Variants in DAPK1 observed in about 807,000 individuals in gnomAD.
DAPK1 encodes death-associated protein kinase 1.
DAPK1 carries 56 observed loss-of-function variants against 144.9 expected under a neutral mutation model. The ratio of observed to expected loss-of-function variants is 0.39; its 90% CI spans 0.31 to 0.48. The LOEUF is 0.48. DAPK1 is among the 20% of genes least tolerant of loss of function. The pLI is 0.95. For synonymous variants in DAPK1, 690 were observed against 749.0 expected (o/e 0.92, Z 1.29); for missense variants, 1,454 against 1,875.4 (o/e 0.78, Z 4.15).
chr9:87,650,724 G>T (rs1397346021), intron 16 of DAPK1, among the ~76,000 whole-genome samples: 1 of 152,122 alleles, frequency 6.6e-6, no homozygotes, highest in Non-Finnish European at 1.5e-5. Flanking sequence ...CTGGGTCGGG[G>T]GCGACTTTGC....
At chr9:87,655,523 C>G (rs1786118461) in intron 17 of DAPK1, among the ~76,000 whole-genome samples, 1 of 152,190 alleles carries the variant, frequency 6.6e-6, no homozygotes, top group Non-Finnish European at 1.5e-5. Context: ...TACAAGGAGG[C>G]TGTTGCTCTT....
At chr9:87,528,773 G>A (rs1262069518) in intron 2 of DAPK1, among the ~76,000 whole-genome samples, 1 of 150,562 alleles carries the variant, frequency 6.6e-6, no homozygotes, top group Non-Finnish European at 1.5e-5. Context: ...TCGGGAGGCT[G>A]AGGCAGGAGA....
At chr9:87,565,567 A>G (rs12378389) in intron 2 of DAPK1, among the ~76,000 whole-genome samples, 102,811 of 151,618 alleles carry the variant, frequency 0.68, 36,419 homozygotes, top group African/African-American at 0.89. Context: ...TACCTTCTGA[A>G]TTTCTGGACC....
chr9:87,588,186 T>A (rs1828001939), intron 2 of DAPK1, among the ~76,000 whole-genome samples: 1 of 152,228 alleles, frequency 6.6e-6, no homozygotes, highest in African/African-American at 2.4e-5. Context: ...ATTTTGTGTG[T>A]CTGGATATTT....
At chr9:87,695,004 G>A (rs1010138334) in intron 21 of DAPK1, among the ~76,000 whole-genome samples, 10 of 152,176 alleles carry the variant, frequency 6.6e-5, no homozygotes, top group African/African-American at 1.4e-4. Flanking sequence ...CAAAAATTGC[G>A]GGAGTTCATG....
intron 16 of DAPK1, among the ~76,000 whole-genome samples, chr9:87,650,967 C>G (rs1043114837): frequency 1.3e-5 from 2 of 152,166 alleles, no homozygotes; most frequent in Non-Finnish European, 2.9e-5. Flanking sequence ...CACCCAGCTC[C>G]TAAAACTCAA....
intron 19 of DAPK1, 126 bp from the exon 20 acceptor site, chr9:87,681,278 C>CAAAAAATA (rs72033969): frequency 3.3e-6 from 2 of 606,282 alleles, no homozygotes; most frequent in East Asian, 5.6e-5. Context: ...AACTCCGTCT[C>CAAAAAATA]AAAAAAGAAA....
intron 3 of DAPK1, among the ~76,000 whole-genome samples, chr9:87,613,784 G>C (rs1829006843): frequency 1.3e-5 from 2 of 152,200 alleles, no homozygotes; most frequent in Admixed American, 1.3e-4. Flanking sequence ...CCCTGTCTCT[G>C]CTTCTCTCTG....
intron 2 of DAPK1, among the ~76,000 whole-genome samples, chr9:87,580,715 C>T (rs36204770): frequency 2.0e-5 from 3 of 152,298 alleles, no homozygotes; most frequent in African/African-American, 7.2e-5. Context: ...TGCTCTAAAG[C>T]TCCCATCGCT....
intron 2 of DAPK1, among the ~76,000 whole-genome samples, chr9:87,557,868 G>A (rs1826775031): frequency 6.6e-6 from 1 of 152,174 alleles, no homozygotes; most frequent in African/African-American, 2.4e-5. Context: ...CTGAACCTGG[G>A]AGGCGGAGGT....
In DAPK1 at chr9:87,643,365, T is replaced by TA. The variant is rs1830161431; in HGVS notation, c.919-11_919-10insA. ...GCCCTCCCTTTTTTTTTTTTTTTTT[T>TA]TAAAAAAAAGCAATCCGTTCGCTTG... On this transcript the variant is annotated splice_polypyrimidine_tract_variant and intron_variant, in intron 10 of 25. Transcript: ENST00000408954. 6.9e-5 allele frequency: 102 copies of TA among 1,479,112 alleles called. No individual in the cohort carries two copies. In the African/African-American group the frequency reaches 1.2e-3, roughly 17 times the overall value. 91.6% of individuals were successfully genotyped at this position (1,479,112 alleles called of 1,614,324 possible).
chr9:87,549,034 A>G (rs1486481652), intron 2 of DAPK1, among the ~76,000 whole-genome samples: 1 of 145,904 alleles, frequency 6.9e-6, no homozygotes, highest in African/African-American at 2.6e-5. Flanking sequence ...TGCACAGATC[A>G]TCCAATCACC....
chr9:87,653,856 G>A (rs182941405), intron 17 of DAPK1, among the ~76,000 whole-genome samples: 195 of 152,038 alleles, frequency 1.3e-3, no homozygotes, highest in African/African-American at 4.2e-3. Context: ...ACCATGCCCT[G>A]CTAATTTTTG....
chr9:87,542,346 C>T (rs574406984), intron 2 of DAPK1, among the ~76,000 whole-genome samples: 17 of 152,266 alleles, frequency 1.1e-4, no homozygotes, highest in African/African-American at 4.1e-4. Context: ...GAGGCTGATG[C>T]CATCATGCCC....
At chr9:87,537,356 G>A (rs1030122185) in intron 2 of DAPK1, among the ~76,000 whole-genome samples, 4 of 152,212 alleles carry the variant, frequency 2.6e-5, no homozygotes, top group South Asian at 2.1e-4. Flanking sequence ...TAGTGTGTAC[G>A]CAGTCAGCCA....
intron 23 of DAPK1, 35 bp from the exon 24 acceptor site, chr9:87,700,082 A>T: frequency 6.3e-7 from 1 of 1,593,038 alleles, no homozygotes; most frequent in Non-Finnish European, 8.6e-7. Context: ...GGGGACATTG[A>T]CTCACTGCTG....
intron 2 of DAPK1, among the ~76,000 whole-genome samples, chr9:87,543,522 A>G (rs1826129573): frequency 3.3e-5 from 5 of 152,258 alleles, no homozygotes; most frequent in Admixed American, 3.3e-4. Context: ...CAATCAGCCA[A>G]AATGACTCAG....
At chr9:87,578,429 A>G (rs1259198814) in intron 2 of DAPK1, among the ~76,000 whole-genome samples, 1 of 152,192 alleles carries the variant, frequency 6.6e-6, no homozygotes, top group African/African-American at 2.4e-5. Context: ...TTCTTCCATG[A>G]TGGGTACAAA....
At chr9:87,608,725 TGAGC>T (rs992684059) in intron 3 of DAPK1, among the ~76,000 whole-genome samples, 2 of 152,242 alleles carry the variant, frequency 1.3e-5, no homozygotes, top group African/African-American at 4.8e-5. Context: ...AAATGAAAGC[TGAGC>T]GATCTCACTA....
Sources: allele counts gnomAD v4.1 joint callset (sites outside exome capture counted in the v4.1 genomes callset), GRCh38; gene constraint gnomAD v4.1.1; transcripts MANE v1.5; gene names NCBI Gene and HGNC (gene_info 2026-07-23, HGNC 2026-07-21).